Variants in XPO7 observed in about 807,000 individuals in gnomAD.
XPO7 encodes exportin-7.
In XPO7, 21 loss-of-function variants were observed where a neutral mutation model predicts 144.3. The observed-to-expected ratio is 0.15, with a 90% CI of 0.10 to 0.21. XPO7 has a LOEUF of 0.21. Ranked by LOEUF, XPO7 falls within the 10% of genes least tolerant of loss-of-function variation. XPO7 has a pLI of 1.00. For synonymous variants in XPO7, 580 were observed against 499.6 expected, an observed-to-expected ratio of 1.16 and a Z score of -2.15; for missense variants, 808 against 1,325.8, an observed-to-expected ratio of 0.61 and a Z score of 6.06.
In XPO7 at chr8:21,982,787, T is replaced by C. The variant is rs2170864; in HGVS notation, c.1252T>C (p.Leu418=). The change falls in exon 11 of 28, where the codon TTG becomes CTG. Residue 418 remains leucine, a synonymous_variant. Coordinates refer to ENST00000252512, the MANE Select transcript of XPO7 (RefSeq NM_015024.5). ...EVTKAYITSR[L]ESVHIILRDG... is the part of the protein sequence containing the mutation. The stretch of plus-strand genomic sequence containing the variant: ...CACCAAAGCCTACATCACATCCCGG[T>C]TGGAATCTGTGCACATCATACTGAG... 6.2e-7 allele frequency: 1 copy of C among 1,612,030 alleles called. No homozygotes were observed. Among genetic ancestry groups the C allele is most frequent in the Non-Finnish European group, 8.5e-7 (1 of 1,179,290 alleles).
chr8:21,971,052 A>C (rs1021846279), intron 4 of XPO7, among the ~76,000 whole-genome samples: 1 of 152,168 alleles, frequency 6.6e-6, no homozygotes, highest in African/African-American at 2.4e-5. Flanking sequence ...AAAATCTTTT[A>C]TGCTGAATTT....
At chr8:21,947,169 G>T (rs989574335) in intron 1 of XPO7, among the ~76,000 whole-genome samples, 5 of 152,176 alleles carry the variant, frequency 3.3e-5, no homozygotes, top group African/African-American at 1.2e-4. Context: ...AATGTTTAGG[G>T]CTATGGAGAC....
At chr8:21,995,451 T>A in intron 20 of XPO7, 41 bp from the exon 21 acceptor site, 1 of 1,537,792 alleles carries the variant, frequency 6.5e-7, no homozygotes, top group Non-Finnish European at 8.9e-7. Flanking sequence ...ATTCTGTACC[T>A]TTCTGGAATC....
intron 24 of XPO7, among the ~76,000 whole-genome samples, chr8:22,000,859 A>AAGTCAACTGCCAAAAAG (rs1254292978): frequency 4.6e-5 from 7 of 152,194 alleles, no homozygotes; most frequent in African/African-American, 1.2e-4. Context: ...TAGTGATGAT[A>AAGTCAACTGCCAAAAAG]TGTTGCAAAT....
chr8:21,956,875 C>T (rs1354753467), intron 1 of XPO7, among the ~76,000 whole-genome samples: 1 of 151,802 alleles, frequency 6.6e-6, no homozygotes, highest in Non-Finnish European at 1.5e-5. Context: ...TTTTTGCATG[C>T]TTGTTTAGCT....
In XPO7 at chr8:22,005,121, G is replaced by T; in HGVS notation, c.*33G>T. 1 of 1,559,990 alleles carries T rather than the reference G, an allele frequency of 6.4e-7. No homozygotes were observed. Among genetic ancestry groups the T allele is most frequent in the Non-Finnish European group, 8.8e-7 (1 of 1,141,758 alleles). Reference sequence around the variant, plus strand: ...TTGGACTCTACCTGTACAGAGCAGCGTCCCTTTGGTTTGGCCCAGAGGGGC... The same window carrying T: ...TTGGACTCTACCTGTACAGAGCAGCTTCCCTTTGGTTTGGCCCAGAGGGGC... On this transcript the variant is annotated 3_prime_UTR_variant, in exon 28 of 28. Coordinates refer to ENST00000252512, the MANE Select transcript of XPO7 (RefSeq NM_015024.5).
At chr8:22,001,346 C>T (rs551290082) in intron 24 of XPO7, among the ~76,000 whole-genome samples, 4 of 151,872 alleles carry the variant, frequency 2.6e-5, no homozygotes, top group African/African-American at 7.2e-5. Context: ...AGTAGAGGGA[C>T]GTTTGCATAA....
intron 27 of XPO7, among the ~76,000 whole-genome samples, chr8:22,004,668 G>A (rs1813263492): frequency 6.6e-6 from 1 of 152,046 alleles, no homozygotes; most frequent in African/African-American, 2.4e-5. Context: ...GGACAGCATA[G>A]CACTGCACCA....
At chr8:21,931,354 G>C (rs11785750) in intron 1 of XPO7, among the ~76,000 whole-genome samples, 3,736 of 151,960 alleles carry the variant, frequency 0.025, 77 homozygotes, top group Middle Eastern at 0.044. Flanking sequence ...GTGGAGGTGG[G>C]GTTTCACCAT....
Position 21,974,672 on chromosome 8 carries a change from A to C in XPO7, c.495A>C (p.Ala165=), listed in dbSNP as rs748610790. The C allele has an allele frequency of 2.5e-6, 4 of 1,581,820 alleles. No individual in the cohort carries two copies. The Admixed American group carries it at 5.5e-5, about 22-fold the overall frequency. ...TGGTTTCTTCTTTTTCTGCACAGGC[A>C]GACACCACCCATCCTTTAACCAAGC... is the stretch of plus-strand genomic sequence containing the variant. ...LSQLTNEINQ[A]DTTHPLTKHR... is the part of the protein sequence containing the mutation. The change falls in exon 6 of 28, where the codon GCA becomes GCC. Residue 165 remains alanine (A), a splice_region_variant and synonymous_variant. Coordinates refer to ENST00000252512, the MANE Select transcript of XPO7 (RefSeq NM_015024.5).
intron 10 of XPO7, among the ~76,000 whole-genome samples, chr8:21,982,192 CTCTT>C (rs1017155642): frequency 2.0e-5 from 3 of 152,170 alleles, no homozygotes; most frequent in Admixed American, 2.0e-4. Flanking sequence ...TTGATGCCCT[CTCTT>C]TCTTAGTCAT....
At chr8:21,949,837 C>G (rs1811312786) in intron 1 of XPO7, among the ~76,000 whole-genome samples, 1 of 152,214 alleles carries the variant, frequency 6.6e-6, no homozygotes, top group Non-Finnish European at 1.5e-5. Context: ...TCAAGCGATT[C>G]TCCTGCCTTA....
chr8:21,923,699 G>A (rs1046333735), intron 1 of XPO7, among the ~76,000 whole-genome samples: 9 of 151,650 alleles, frequency 5.9e-5, no homozygotes, highest in African/African-American at 2.2e-4. Context: ...GAAGATCCCT[G>A]TTCTATATCT....
intron 9 of XPO7, among the ~76,000 whole-genome samples, 165 bp downstream of exon 9, chr8:21,980,368 A>T (rs921917135): frequency 6.6e-6 from 1 of 152,182 alleles, no homozygotes; most frequent in Admixed American, 6.6e-5. Context: ...TATTTGCCCA[A>T]AAGAGGAGCT....
intron 24 of XPO7, 142 bp downstream of exon 24, chr8:21,999,816 A>G (rs1813078011): frequency 1.9e-6 from 2 of 1,074,100 alleles, no homozygotes; most frequent in African/African-American, 1.6e-5. Flanking sequence ...TATATAATGC[A>G]CAGCACATGC....
chr8:21,970,025 G>T, intron 3 of XPO7, 119 bp from the exon 4 acceptor site: 1 of 1,142,894 alleles, frequency 8.7e-7, no homozygotes, highest in Non-Finnish European at 1.2e-6. Flanking sequence ...AGACAGTTTG[G>T]GTTAAATAGT....
chr8:21,998,395 T>A (rs1274292546), intron 21 of XPO7, among the ~76,000 whole-genome samples: 1 of 152,112 alleles, frequency 6.6e-6, no homozygotes, highest in African/African-American at 2.4e-5. Flanking sequence ...GAGCCGAAAT[T>A]GCGCCACCGC....
intron 4 of XPO7, 60 bp from the exon 5 acceptor site, chr8:21,971,816 C>A: frequency 6.8e-7 from 1 of 1,463,170 alleles, no homozygotes; most frequent in Non-Finnish European, 9.4e-7. Flanking sequence ...TGAGTGCATT[C>A]CAAATGCCAA....
chr8:21,960,357 C>G (rs986340902), intron 1 of XPO7, among the ~76,000 whole-genome samples: 2 of 152,164 alleles, frequency 1.3e-5, no homozygotes, highest in South Asian at 2.1e-4. Context: ...TCCTCTGCAC[C>G]GTTAGAGACT....
Sources: allele counts gnomAD v4.1 joint callset (sites outside exome capture counted in the v4.1 genomes callset), GRCh38; gene constraint gnomAD v4.1.1; transcripts MANE v1.5; gene names NCBI Gene and HGNC (gene_info 2026-07-23, HGNC 2026-07-21).